Variants in CTNNA3 observed in about 807,000 individuals in gnomAD.
CTNNA3 encodes the protein catenin alpha 3, also known as catenin alpha-3.
Under a neutral mutation model 95.7 loss-of-function variants are expected in CTNNA3, and 76 were observed. The observed-to-expected ratio is 0.79, with a 90% CI of 0.66 to 0.96. CTNNA3 has a LOEUF of 0.96. CTNNA3 is among the 40% of genes least tolerant of loss of function. The pLI is 0.00. For synonymous variants in CTNNA3, 431 were observed against 374.4 expected, an observed-to-expected ratio of 1.15 and a Z score of -1.74; for missense variants, 1,191 against 1,089.8, an observed-to-expected ratio of 1.09 and a Z score of -1.31.
intron 7 of CTNNA3, among the ~76,000 whole-genome samples, chr10:66,973,415 C>T (rs545577951): frequency 6.6e-6 from 1 of 152,058 alleles, no homozygotes; most frequent in Non-Finnish European, 1.5e-5. Context: ...ACAATCTGAA[C>T]TAAATTGAAC....
intron 14 of CTNNA3, among the ~76,000 whole-genome samples, chr10:66,080,317 CTT>C (rs2080705646): frequency 1.3e-5 from 2 of 151,874 alleles, no homozygotes; most frequent in African/African-American, 2.4e-5. Context: ...CAAAATCACT[CTT>C]ATATATATAC....
At chr10:67,150,351 A>T (rs10822987) in intron 7 of CTNNA3, among the ~76,000 whole-genome samples, 97,654 of 151,944 alleles carry the variant, frequency 0.64, 32,446 homozygotes, top group African/African-American at 0.82. Flanking sequence ...ATGTAGGAAA[A>T]AAATAAATAT....
intron 5 of CTNNA3, among the ~76,000 whole-genome samples, chr10:67,270,842 A>C (rs1381653572): frequency 6.6e-6 from 1 of 152,194 alleles, no homozygotes; most frequent in Non-Finnish European, 1.5e-5. Flanking sequence ...GATAATAACA[A>C]CAAAGAAAAA....
intron 9 of CTNNA3, among the ~76,000 whole-genome samples, chr10:66,690,920 C>T (rs1285189503): frequency 6.6e-6 from 1 of 152,154 alleles, no homozygotes; most frequent in African/African-American, 2.4e-5. Flanking sequence ...AATGGTTGAA[C>T]TAGTTTGCAG....
intron 5 of CTNNA3, among the ~76,000 whole-genome samples, chr10:67,402,759 C>T (rs1161111563): frequency 2.0e-5 from 3 of 152,182 alleles, no homozygotes; most frequent in Non-Finnish European, 4.4e-5. Flanking sequence ...GACCTTGGGT[C>T]AGATACACAG....
At chr10:66,993,537 C>G (rs1156903312) in intron 7 of CTNNA3, among the ~76,000 whole-genome samples, 2 of 151,904 alleles carry the variant, frequency 1.3e-5, no homozygotes, top group African/African-American at 2.4e-5. Flanking sequence ...CATTTTGGAC[C>G]CTTTTCCTTC....
At chr10:66,464,386 T>C in intron 11 of CTNNA3, among the ~76,000 whole-genome samples, 1 of 152,140 alleles carries the variant, frequency 6.6e-6, no homozygotes. Context: ...TGAGTCTTTA[T>C]TCCCTTGACA....
chr10:66,903,804 A>G (rs1845863737), intron 7 of CTNNA3, among the ~76,000 whole-genome samples: 1 of 152,216 alleles, frequency 6.6e-6, no homozygotes, highest in Non-Finnish European at 1.5e-5. Flanking sequence ...TAAAATACCT[A>G]GGAATCCAAC....
intron 5 of CTNNA3, among the ~76,000 whole-genome samples, chr10:67,356,234 G>T (rs1482189745): frequency 6.6e-6 from 1 of 151,868 alleles, no homozygotes; most frequent in Non-Finnish European, 1.5e-5. Flanking sequence ...ATTCCCCAAG[G>T]ACTCTCTTCC....
intron 9 of CTNNA3, among the ~76,000 whole-genome samples, chr10:66,713,186 CCTT>C (rs1034167188): frequency 1.1e-4 from 17 of 152,244 alleles, no homozygotes; most frequent in African/African-American, 3.9e-4. Flanking sequence ...ATCTTATTCT[CCTT>C]CTCAACAGAC....
At chr10:67,545,444 GTAATTA>G (rs969288054) in intron 3 of CTNNA3, among the ~76,000 whole-genome samples, 3 of 151,938 alleles carry the variant, frequency 2.0e-5, no homozygotes, top group African/African-American at 7.3e-5. Flanking sequence ...CATGTGAGTT[GTAATTA>G]TAATTATATA....
chr10:66,842,071 C>T (rs1054306914), intron 7 of CTNNA3, among the ~76,000 whole-genome samples: 1 of 152,092 alleles, frequency 6.6e-6, no homozygotes, highest in Non-Finnish European at 1.5e-5. Flanking sequence ...GTTGGGACCA[C>T]AGCACGCACA....
chr10:67,726,422 T>TATTAC, intron 1 of CTNNA3, among the ~76,000 whole-genome samples: 1 of 41,688 alleles, frequency 2.4e-5, no homozygotes, highest in Non-Finnish European at 3.2e-5. Context: ...TATAATATTA[T>TATTAC]ATATTATATC....
chr10:66,655,294 G>T lies in CTNNA3; in HGVS notation c.1282-33510C>A, dbSNP rs1846037211. Among the ~76,000 whole-genome samples, 5 of 152,000 alleles carry T rather than the reference G, an allele frequency of 3.3e-5. No individual in the cohort carries two copies. The South Asian group carries it at 1.0e-3, about 32-fold the overall frequency. On this transcript the variant is annotated intron_variant, in intron 9 of 17. Transcript: ENST00000433211. ...TTAAAGATATTTGCACAATTAAAAA[G>T]ATTTTTCATGTTTCTTTTTTGAAAA...
At chr10:66,676,089 T>C (rs1010447914) in intron 9 of CTNNA3, among the ~76,000 whole-genome samples, 1 of 148,792 alleles carries the variant, frequency 6.7e-6, no homozygotes, top group Non-Finnish European at 1.5e-5. Context: ...TTTCTACATG[T>C]TAGAGTTAAA....
chr10:66,457,956 AG>A (rs1055228869), intron 11 of CTNNA3, among the ~76,000 whole-genome samples: 4 of 152,182 alleles, frequency 2.6e-5, no homozygotes, highest in Non-Finnish European at 4.4e-5. Flanking sequence ...TAGAGGGGGT[AG>A]GCTCTTCAAA....
rs186453651 is a variant in CTNNA3 at position 67,260,846 on chromosome 10, G to A, written c.580-40976C>T. 3.4e-4 allele frequency among the ~76,000 whole-genome samples: 52 copies of A among 151,964 alleles called. 1 individual carries two copies. The highest frequency in any genetic ancestry group is 8.9e-4 in the African/African-American group (37 of 41,450). On this transcript the variant is annotated intron_variant, in intron 5 of 17. Coordinates refer to ENST00000433211, the MANE Select transcript of CTNNA3 (RefSeq NM_013266.4). ...ATTACAGGCATGTGCCACCACACCC[G>A]GCTAATTTTTTTATTTTTAGTAGAG... is the stretch of plus-strand genomic sequence containing the variant.
intron 1 of CTNNA3, among the ~76,000 whole-genome samples, chr10:67,686,073 T>A (rs4746696): frequency 0.16 from 25,082 of 152,262 alleles, 2,319 homozygotes; most frequent in African/African-American, 0.24. Flanking sequence ...ACTCCAGGGT[T>A]TCCTTGTGAT....
rs1392238922 is a variant in CTNNA3 at position 66,978,549 on chromosome 10, A to AC, written c.1047+201767_1047+201768insG. Reference sequence around the variant, plus strand: ...CTCAAAAAAAAAAAAAAAAAAAAAAAAAAATATATATATATATATATAGTA... The same window carrying AC: ...CTCAAAAAAAAAAAAAAAAAAAAAAACAAAATATATATATATATATATAGTA... On this transcript the variant is annotated intron_variant, in intron 7 of 17. Coordinates refer to ENST00000433211, the MANE Select transcript of CTNNA3 (RefSeq NM_013266.4). Among the ~76,000 whole-genome samples the AC allele has an allele frequency of 4.6e-5, 5 of 108,168 alleles. 1 individual carries two copies. The highest frequency in any genetic ancestry group is 9.8e-5 in the Non-Finnish European group (5 of 51,072). The allele number at this position is 108,168 out of a possible 152,430, so 71.0% of individuals were successfully genotyped here.
Sources: allele counts gnomAD v4.1 joint callset (sites outside exome capture counted in the v4.1 genomes callset), GRCh38; gene constraint gnomAD v4.1.1; transcripts MANE v1.5; gene names NCBI Gene and HGNC (gene_info 2026-07-23, HGNC 2026-07-21).